Variants in RNF220 observed in about 807,000 individuals in gnomAD.
RNF220 encodes E3 ubiquitin-protein ligase RNF220.
A neutral mutation model predicts 67.1 loss-of-function variants in RNF220; 7 were observed. The observed-to-expected ratio is 0.10, with a 90% CI of 0.06 to 0.20. The LOEUF (loss-of-function observed/expected upper bound fraction) is 0.20. RNF220 is among the 10% of genes least tolerant of loss of function. RNF220 has a pLI of 1.00. For synonymous variants in RNF220, 270 were observed against 283.2 expected (o/e 0.95, Z 0.47); for missense variants, 565 against 740.3 (o/e 0.76, Z 2.75).
chr1:44,426,238 A>G (rs552516229), intron 2 of RNF220, among the ~76,000 whole-genome samples: 1 of 152,278 alleles, frequency 6.6e-6, no homozygotes, highest in Non-Finnish European at 1.5e-5. Flanking sequence ...GGCCTGAGGA[A>G]TGATAGGCAG....
In RNF220 at chr1:44,489,998, G is replaced by A. The variant is rs118047908; in HGVS notation, c.625+77276G>A. 0.011 allele frequency among the ~76,000 whole-genome samples: 1,670 copies of A among 152,124 alleles called. 67 individuals are homozygous for A. In the South Asian group the frequency reaches 0.13, roughly 11 times the overall value. On this transcript the variant is annotated intron_variant, in intron 2 of 14. Coordinates refer to ENST00000361799, the MANE Select transcript of RNF220 (RefSeq NM_018150.4). ...TTATCCCTATTGTAAAATGTACTTT[G>A]TTAGAACTAATTACTTTTTTTTCTA...
At chr1:44,584,926 T>C (rs1665584433) in intron 2 of RNF220, among the ~76,000 whole-genome samples, 1 of 152,196 alleles carries the variant, frequency 6.6e-6, no homozygotes, top group South Asian at 2.1e-4. Flanking sequence ...CTCGAACTCC[T>C]GACCTCAAGT....
chr1:44,642,076 G>A (rs561182137), intron 8 of RNF220, among the ~76,000 whole-genome samples: 53 of 152,374 alleles, frequency 3.5e-4, no homozygotes, highest in Non-Finnish European at 6.9e-4. Flanking sequence ...CCATCAGCCT[G>A]GCCAGCTCTG....
chr1:44,514,284 G>C (rs573820206), intron 2 of RNF220, among the ~76,000 whole-genome samples: 1 of 152,308 alleles, frequency 6.6e-6, no homozygotes, highest in East Asian at 1.9e-4. Flanking sequence ...AATTATGGAG[G>C]GACAGCTGCG....
At chr1:44,512,327 G>T (rs1182935436) in intron 2 of RNF220, among the ~76,000 whole-genome samples, 1 of 152,128 alleles carries the variant, frequency 6.6e-6, no homozygotes, top group African/African-American at 2.4e-5. Flanking sequence ...GGAGGCGGTG[G>T]GTTGAAACAA....
intron 1 of RNF220, among the ~76,000 whole-genome samples, chr1:44,405,997 C>T (rs570784563): frequency 6.6e-6 from 1 of 152,200 alleles, no homozygotes; most frequent in African/African-American, 2.4e-5. Flanking sequence ...GATTTCCGGG[C>T]TCCCCTATGT....
At chr1:44,533,150 G>A (rs540555019) in intron 2 of RNF220, among the ~76,000 whole-genome samples, 12 of 152,324 alleles carry the variant, frequency 7.9e-5, no homozygotes, top group Admixed American at 5.9e-4. Flanking sequence ...GAGAGTAAAC[G>A]AAAGTCTGCT....
At chr1:44,463,614 C>T (rs553163933) in intron 2 of RNF220, among the ~76,000 whole-genome samples, 1 of 152,132 alleles carries the variant, frequency 6.6e-6, no homozygotes, top group Non-Finnish European at 1.5e-5. Context: ...GCCCCATATC[C>T]TCCTTATCTG....
At chr1:44,587,074 A>G (rs140620291) in intron 2 of RNF220, among the ~76,000 whole-genome samples, 1 of 135,124 alleles carries the variant, frequency 7.4e-6, no homozygotes, top group Non-Finnish European at 1.5e-5. Context: ...CCTAATTCCC[A>G]GTTCCTTCTG....
At chr1:44,506,157 C>T (rs1658398326) in intron 2 of RNF220, among the ~76,000 whole-genome samples, 2 of 152,210 alleles carry the variant, frequency 1.3e-5, no homozygotes, top group African/African-American at 4.8e-5. Flanking sequence ...AAGTTATTGT[C>T]CCTTACATTT....
intron 2 of RNF220, among the ~76,000 whole-genome samples, chr1:44,520,376 G>A (rs1442791559): frequency 1.3e-5 from 2 of 152,148 alleles, no homozygotes; most frequent in South Asian, 2.1e-4. Flanking sequence ...TGAGGCAGGA[G>A]AATGGCATGA....
intron 2 of RNF220, among the ~76,000 whole-genome samples, chr1:44,458,603 A>G (rs750993027): frequency 6.6e-6 from 1 of 152,204 alleles, no homozygotes; most frequent in African/African-American, 2.4e-5. Context: ...CACCCAATTC[A>G]ATAGCATTTA....
chr1:44,482,920 C>CT (rs34268893), intron 2 of RNF220, among the ~76,000 whole-genome samples: 6,363 of 69,416 alleles, frequency 0.092, 769 homozygotes, highest in African/African-American at 0.21. Context: ...CACACCCAGC[C>CT]TTTTTTTTTT....
At chr1:44,445,791 A>G (rs1572525363) in intron 2 of RNF220, among the ~76,000 whole-genome samples, 1 of 152,244 alleles carries the variant, frequency 6.6e-6, no homozygotes, top group South Asian at 2.1e-4. Flanking sequence ...TATTGCATTT[A>G]TTGGTTAATA....
At chr1:44,482,872 C>T (rs1318767448) in intron 2 of RNF220, among the ~76,000 whole-genome samples, 1 of 149,274 alleles carries the variant, frequency 6.7e-6, no homozygotes, top group East Asian at 2.0e-4. Context: ...CTACCTGCCT[C>T]GGCCTTCCAA....
chr1:44,459,895 G>T lies in RNF220; in HGVS notation c.625+47173G>T, dbSNP rs1653593385. 2.0e-5 allele frequency among the ~76,000 whole-genome samples: 3 copies of T among 152,202 alleles called. No individual in the cohort carries two copies. In the South Asian group the frequency reaches 6.2e-4, roughly 32 times the overall value. On this transcript the variant is annotated intron_variant, in intron 2 of 14. Coordinates refer to ENST00000361799, the MANE Select transcript of RNF220 (RefSeq NM_018150.4). ...ACTTGCTAACTGATGGATTCACCAA[G>T]ACCGAAACAGTCAGGAAGTCACTGA...
At chr1:44,613,977 T>A (rs1263945261) in intron 2 of RNF220, among the ~76,000 whole-genome samples, 188 bp from the exon 3 acceptor site, 1 of 152,110 alleles carries the variant, frequency 6.6e-6, no homozygotes, top group Non-Finnish European at 1.5e-5. Context: ...GGAGGTACCA[T>A]TCATGGCCAC....
In RNF220 at chr1:44,626,284, T is replaced by C; in HGVS notation, c.805-13T>C. The C allele has an allele frequency of 6.2e-7, 1 of 1,610,868 alleles. No homozygotes were observed. Among genetic ancestry groups the C allele is most frequent in the Non-Finnish European group, 8.5e-7 (1 of 1,177,156 alleles). The stretch of plus-strand genomic sequence containing the variant: ...ATTTGGCCTGAGGCCACATGTCTTT[T>C]TTCTTCTTCCAGTCCCTCCTGTTGT... On this transcript the variant is annotated splice_polypyrimidine_tract_variant and intron_variant, in intron 4 of 14. Transcript: ENST00000361799.
At position 44,412,045 on chromosome 1, in the gene RNF220, C is replaced by T; in HGVS notation, c.-53C>T. ...CTGACCCAAAGTGCTGGTTGGCCTC[C>T]CTCCCAGGGAAGACTGCTTCTTGCG... On this transcript the variant is annotated 5_prime_UTR_variant, in exon 2 of 15. Coordinates refer to ENST00000361799, the MANE Select transcript of RNF220 (RefSeq NM_018150.4). This position sits in a 1 kb window ranked among gnomAD's most constrained non-coding sequence, Gnocchi z 5.3. 1.9e-6 allele frequency: 3 copies of T among 1,558,066 alleles called. No individual in the cohort carries two copies. Among genetic ancestry groups the T allele is most frequent in the Non-Finnish European group, 2.6e-6 (3 of 1,151,324 alleles).
Sources: gnomAD v4.1 joint callset for allele counts (sites outside exome capture counted in the v4.1 genomes callset) on GRCh38, gnomAD v4.1.1 for gene constraint, Gnocchi (gnomAD v3.1) non-coding constraint, MANE v1.5 for transcripts, NCBI Gene and HGNC (gene_info 2026-07-23, HGNC 2026-07-21) for gene names.